LPP: variants seen among roughly 807,000 people sequenced by gnomAD.
LPP encodes LIM domain containing preferred translocation partner in lipoma, also known as lipoma-preferred partner.
LPP carries 38 observed loss-of-function variants against 60.4 expected under a neutral mutation model. The observed-to-expected ratio is 0.63, with a 90% CI of 0.49 to 0.83. The LOEUF is 0.83. Ranked by LOEUF, LPP falls within the 40% of genes least tolerant of loss-of-function variation. The pLI is 0.00. For missense variants in LPP, 902 were observed against 783.6 expected, an observed-to-expected ratio of 1.15 and a Z score of -1.80; for synonymous variants, 328 against 290.8, an observed-to-expected ratio of 1.13 and a Z score of -1.30.
intron 4 of LPP, among the ~76,000 whole-genome samples, chr3:188,482,226 T>C (rs1804992650): frequency 2.6e-5 from 4 of 152,200 alleles, no homozygotes; most frequent in South Asian, 2.1e-4. Flanking sequence ...TGTGAGTCAA[T>C]TAAACCTCTT....
At chr3:188,239,707 C>G (rs1723193766) in intron 2 of LPP, among the ~76,000 whole-genome samples, 1 of 152,154 alleles carries the variant, frequency 6.6e-6, no homozygotes, top group Non-Finnish European at 1.5e-5. Flanking sequence ...GTGTCTGTGA[C>G]TTCCTTAGCC....
intron 2 of LPP, chr3:188,240,239 A>T: frequency 5.7e-6 from 1 of 175,112 alleles, no homozygotes; most frequent in South Asian, 2.0e-4. Context: ...TTTTGGTATC[A>T]AATTTTAAGC....
At chr3:188,229,877 T>G (rs1289693651) in intron 2 of LPP, among the ~76,000 whole-genome samples, 1 of 152,144 alleles carries the variant, frequency 6.6e-6, no homozygotes, top group Non-Finnish European at 1.5e-5. Context: ...GAAGTTTGAA[T>G]GGGTAGAGAG....
intron 8 of LPP, among the ~76,000 whole-genome samples, chr3:188,737,461 G>A (rs924126757): frequency 4.6e-5 from 7 of 152,300 alleles, no homozygotes; most frequent in Admixed American, 4.6e-4. Context: ...GAAATTTCCC[G>A]TGGATGAATT....
intron 3 of LPP, among the ~76,000 whole-genome samples, chr3:188,343,038 C>A (rs1578209484): frequency 6.6e-6 from 1 of 152,070 alleles, no homozygotes; most frequent in Non-Finnish European, 1.5e-5. Flanking sequence ...ACTTTAAGTT[C>A]TTGGATACAT....
chr3:188,703,090 A>G (rs1210080208), intron 7 of LPP, among the ~76,000 whole-genome samples: 1 of 152,224 alleles, frequency 6.6e-6, no homozygotes, highest in Non-Finnish European at 1.5e-5. Context: ...TTGAGATTTC[A>G]CATCTGTGAA....
intron 2 of LPP, among the ~76,000 whole-genome samples, chr3:188,253,083 T>C (rs537591996): frequency 1.3e-5 from 2 of 152,074 alleles, no homozygotes; most frequent in African/African-American, 4.8e-5. Context: ...CTTTTTTTTT[T>C]TTTTTTTAAA....
chr3:188,632,356 C>T (rs1172816791), intron 7 of LPP, among the ~76,000 whole-genome samples: 4 of 152,152 alleles, frequency 2.6e-5, no homozygotes, highest in Admixed American at 2.6e-4. Context: ...GAGGAAGTAG[C>T]ATTTGATCTA....
intron 9 of LPP, among the ~76,000 whole-genome samples, chr3:188,864,228 C>G (rs948147469): frequency 6.6e-6 from 1 of 152,160 alleles, no homozygotes; most frequent in Middle Eastern, 3.2e-3. Context: ...CAGGCAACCA[C>G]AGCTTTGAGG....
intron 8 of LPP, among the ~76,000 whole-genome samples, chr3:188,748,766 A>G (rs1454624391): frequency 2.0e-5 from 3 of 152,190 alleles, no homozygotes; most frequent in East Asian, 3.9e-4. Flanking sequence ...TTGGGCAACA[A>G]GAGCAAAACT....
intron 9 of LPP, among the ~76,000 whole-genome samples, chr3:188,846,772 A>C (rs1003840334): frequency 2.0e-5 from 3 of 152,098 alleles, no homozygotes; most frequent in African/African-American, 7.2e-5. Flanking sequence ...ATAGGGTACC[A>C]TAGGGGAATG....
chr3:188,879,223 C>G lies in LPP; in HGVS notation c.*4744C>G, dbSNP rs951226285. On this transcript the variant is annotated 3_prime_UTR_variant, in exon 12 of 12. Coordinates refer to ENST00000617246, the MANE Select transcript of LPP (RefSeq NM_001375462.1). ...AGTTACCTGACTGAAGCTACTATGA[C>G]TTGGTAAGGATTCTTCCTCTCTTGC... 1 of 230,954 alleles carries G rather than the reference C, an allele frequency of 4.3e-6. No homozygotes were observed. The highest frequency in any genetic ancestry group is 2.2e-5 in the African/African-American group (1 of 45,238). The allele number at this position is 230,954 out of a possible 1,614,324, so 14.3% of individuals were successfully genotyped here.
At chr3:188,627,470 A>G (rs1255592753) in intron 7 of LPP, among the ~76,000 whole-genome samples, 1 of 152,172 alleles carries the variant, frequency 6.6e-6, no homozygotes, top group African/African-American at 2.4e-5. Context: ...GCAAATGGAA[A>G]ACAAAATAAA....
At chr3:188,193,179 T>G (rs1728642659) in intron 1 of LPP, among the ~76,000 whole-genome samples, 1 of 152,160 alleles carries the variant, frequency 6.6e-6, no homozygotes, top group Admixed American at 6.5e-5. Context: ...GAAGATAGCG[T>G]GTTGGTTTGT....
chr3:188,362,649 G>T (rs1412883024), intron 3 of LPP, among the ~76,000 whole-genome samples: 1 of 152,100 alleles, frequency 6.6e-6, no homozygotes, highest in African/African-American at 2.4e-5. Flanking sequence ...TCTTCTTCAG[G>T]CTCTGAGTCA....
At chr3:188,516,097 G>C (rs1310531257) in intron 5 of LPP, among the ~76,000 whole-genome samples, 3 of 152,156 alleles carry the variant, frequency 2.0e-5, no homozygotes, top group Admixed American at 2.0e-4. Context: ...AGACAAAGAG[G>C]AGTCAGTTAT....
chr3:188,863,041 A>C (rs981383777), intron 9 of LPP, among the ~76,000 whole-genome samples: 3 of 152,152 alleles, frequency 2.0e-5, no homozygotes, highest in African/African-American at 7.2e-5. Context: ...TAGAATTATC[A>C]GTGGAGGTGC....
At chr3:188,817,540 C>A (rs938843237) in intron 9 of LPP, among the ~76,000 whole-genome samples, 1 of 152,152 alleles carries the variant, frequency 6.6e-6, no homozygotes, top group Non-Finnish European at 1.5e-5. Flanking sequence ...TGTTTTCTAT[C>A]CTTCTTGCTC....
At chr3:188,162,604 C>G (rs933232525) in intron 1 of LPP, among the ~76,000 whole-genome samples, 2 of 152,008 alleles carry the variant, frequency 1.3e-5, no homozygotes, top group African/African-American at 4.8e-5. Flanking sequence ...AAACAAAGAC[C>G]TATGTTTGGG....
Sources: gnomAD v4.1 joint callset for allele counts (sites outside exome capture counted in the v4.1 genomes callset) on GRCh38, gnomAD v4.1.1 for gene constraint, MANE v1.5 for transcripts, NCBI Gene and HGNC (gene_info 2026-07-23, HGNC 2026-07-21) for gene names.